The following RYR1 variants were observed in gnomAD, a reference collection of about 807,000 sequenced individuals.
RYR1 encodes the protein ryanodine receptor 1, also known as central core disease of muscle.
RYR1 carries 342 observed loss-of-function variants against 583.5 expected under a neutral mutation model. That is an observed-to-expected ratio of 0.59 (90% CI 0.54 to 0.64). The LOEUF (loss-of-function observed/expected upper bound fraction) is 0.64, where lower values mean the gene tolerates loss of function less well. Ranked by LOEUF, RYR1 falls within the 30% of genes least tolerant of loss-of-function variation. The probability of loss-of-function intolerance (pLI) is 0.00; values close to 1 mark genes in which losing one functional copy is unlikely to be tolerated. For missense variants in RYR1, 6,032 were observed against 6,917.2 expected (o/e 0.87, Z 4.54); for synonymous variants, 2,791 against 2,822.5 (o/e 0.99, Z 0.35).
rs371415441 is a variant in RYR1, at chr19:38,546,398, G to T, written c.12013-47G>T. Reference sequence around the variant, plus strand: ...AGGAGGGGGAGAAGCAACAGAGGTGGGGGAGGTGTATGCTGAGACCAGCCC... The same window carrying T: ...AGGAGGGGGAGAAGCAACAGAGGTGTGGGAGGTGTATGCTGAGACCAGCCC... On this transcript the variant is annotated intron_variant, in intron 87 of 105. Transcript: ENST00000359596. The T allele has an allele frequency of 4.0e-4, 608 of 1,523,418 alleles. 11 individuals carry two copies. The South Asian group carries it at 6.7e-3, about 17-fold the overall frequency. 94.4% of individuals were successfully genotyped at this position (1,523,418 alleles called of 1,614,324 possible).
At chr19:38,443,908 TG>T in intron 5 of RYR1, 112 bp downstream of exon 5, 1 of 1,020,222 alleles carries the variant, frequency 9.8e-7, no homozygotes. Context: ...GGGACATGAA[TG>T]GGGGCTTCGT....
rs61361030 is a variant in RYR1 at position 38,519,011 on chromosome 19, C to T, written c.10019-203C>T. 0.12 allele frequency among the ~76,000 whole-genome samples: 17,649 copies of T among 151,528 alleles called. 1,761 individuals carry two copies. The highest frequency in any genetic ancestry group is 0.27 in the African/African-American group (11,078 of 41,250). ...AGGGATTTGTGCCAGGCTGGGGTCA[C>T]AGGATAGGGACTGGGTCTTAGGTTC... On this transcript the variant is annotated intron_variant, in intron 66 of 105. Transcript: ENST00000359596.
Position 38,569,163 on chromosome 19 carries a change from G to A in RYR1, c.13659+1246G>A, listed in dbSNP as rs575347675. Among the ~76,000 whole-genome samples the A allele has an allele frequency of 5.4e-4, 82 of 152,072 alleles. 1 individual carries two copies. In the East Asian group the frequency reaches 5.5e-3, roughly 10 times the overall value. On this transcript the variant is annotated intron_variant, in intron 93 of 105. Transcript: ENST00000359596. Reference sequence around the variant, plus strand: ...GTAGCTAGGACTACAGGCGCCCGCCGCCACGCCTGGCTAATTTTTTGTATT... The same window carrying A: ...GTAGCTAGGACTACAGGCGCCCGCCACCACGCCTGGCTAATTTTTTGTATT...
In RYR1 at chr19:38,535,296, C is replaced by T. The variant is rs774616144; in HGVS notation, c.11440-20C>T. The T allele has an allele frequency of 2.5e-6, 4 of 1,613,732 alleles. No homozygotes were observed. In the Admixed American group the frequency reaches 5.0e-5, roughly 20 times the overall value. ...CCTGTGTGACTCCCAGTTTCTCCTC[C>T]CCTGCCTCGCCCTCTGCAGAAAATG... On this transcript the variant is annotated intron_variant, in intron 80 of 105. Coordinates refer to ENST00000359596, the MANE Select transcript of RYR1 (RefSeq NM_000540.3).
At position 38,496,890 on chromosome 19, in the gene RYR1, C is replaced by T. The variant is rs781059995; in HGVS notation, c.6827C>T (p.Ala2276Val). ...GMQGSTPLDVAAASVIDNNEL... is the reference protein window; with the variant it reads ...GMQGSTPLDVVAASVIDNNEL... The stretch of plus-strand genomic sequence containing the variant: ...CAGGGCTCCACGCCCCTGGACGTGG[C>T]TGCTGCCTCCGTCATTGACAACAAT... Residue 2276 changes from alanine to valine, a missense_variant, in exon 42 of 106, where the codon GCT becomes GTT. By Grantham distance (64) the Ala-to-Val change is moderately conservative. Around this residue, in one of 11 missense-constraint regions of RYR1, gnomAD observed 2,627 missense variants for 2,961.3 expected, o/e 0.89. Coordinates refer to ENST00000359596, the MANE Select transcript of RYR1 (RefSeq NM_000540.3). The surrounding 1 kb of genome is among the most constrained non-coding windows in gnomAD (Gnocchi z 4.8). 1.4e-5 allele frequency: 23 copies of T among 1,613,296 alleles called. No homozygotes were observed. The highest frequency in any genetic ancestry group is 1.9e-5 in the Non-Finnish European group (22 of 1,179,988).
At chr19:38,456,589 C>T (rs1424589482) in intron 16 of RYR1, among the ~76,000 whole-genome samples, 1 of 151,510 alleles carries the variant, frequency 6.6e-6, no homozygotes, top group African/African-American at 2.4e-5. Flanking sequence ...ACCGGTGGCG[C>T]TGAAATGTTT....
intron 57 of RYR1, among the ~76,000 whole-genome samples, chr19:38,507,386 G>T (rs1160692224): frequency 7.0e-6 from 1 of 142,498 alleles, no homozygotes; most frequent in African/African-American, 2.6e-5. Context: ...CCAGAGAGGG[G>T]TGGGGAGGTA....
At chr19:38,459,464 T>C (rs1967613351) in intron 19 of RYR1, 126 bp downstream of exon 19, 1 of 880,196 alleles carries the variant, frequency 1.1e-6, no homozygotes, top group African/African-American at 1.7e-5. Context: ...GACTGACTGG[T>C]GTCCAGAACC....
chr19:38,480,107 CT>C (rs1968935528), intron 31 of RYR1, among the ~76,000 whole-genome samples: 6 of 152,206 alleles, frequency 3.9e-5, no homozygotes, highest in African/African-American at 1.4e-4. Flanking sequence ...ACAGCTTCAA[CT>C]GTCACCCACT....
Position 38,506,830 on chromosome 19 carries a change from C to T in RYR1, c.8694C>T (p.Gly2898=), listed in dbSNP as rs1568514023. The T allele has an allele frequency of 1.2e-6, 2 of 1,614,046 alleles. No homozygotes were observed. The highest frequency in any genetic ancestry group is 1.1e-5 in the South Asian group (1 of 91,064). The change falls in exon 57 of 106, where the codon GGC becomes GGT. Residue 2898 remains glycine (G), a splice_region_variant and synonymous_variant. Coordinates refer to ENST00000359596, the MANE Select transcript of RYR1 (RefSeq NM_000540.3). ...GATTTCTGGTCTTTGCCTCCCCAGG[C>T]GGTGGGACCCACCCCCTGCTGGTCC... ...RKKKQELEAK[G]GGTHPLLVPY... is the part of the protein sequence containing the mutation.
At chr19:38,456,175 C>T (rs1967375616) in intron 16 of RYR1, among the ~76,000 whole-genome samples, 1 of 146,890 alleles carries the variant, frequency 6.8e-6, no homozygotes, top group African/African-American at 2.5e-5. Context: ...CAGGGTTTCA[C>T]AATGTTGGCC....
chr19:38,506,412 T>A, intron 55 of RYR1, 35 bp downstream of exon 55: 1 of 1,613,266 alleles, frequency 6.2e-7, no homozygotes, highest in Non-Finnish European at 8.5e-7. Context: ...GGACATAGGG[T>A]GTCTTTGGGG....
At position 38,460,425 on chromosome 19, in the gene RYR1, C is replaced by G. The variant is rs1057524519; in HGVS notation, c.2411C>G (p.Pro804Arg). ...CATGGTGAATTCAAGTTCCTGCCCC[C>G]ACCTGGCTATGCTCCATGCCATGAG... ...GRHGEFKFLP[P>R]PGYAPCHEAV... Residue 804 changes from proline to arginine, a missense_variant, in exon 20 of 106, where the codon CCA becomes CGA. Physicochemically the swap from Pro to Arg is moderately radical, Grantham distance 103. Transcript: ENST00000359596. 1.2e-6 allele frequency: 2 copies of G among 1,614,242 alleles called. No individual in the cohort carries two copies. Among genetic ancestry groups the G allele is most frequent in the Non-Finnish European group, 1.7e-6 (2 of 1,180,042 alleles).
intron 13 of RYR1, among the ~76,000 whole-genome samples, chr19:38,454,648 G>A (rs1360416209): frequency 1.3e-5 from 2 of 152,108 alleles, no homozygotes; most frequent in African/African-American, 4.8e-5. Context: ...AGAAGCAGTG[G>A]TTCAGTATTT....
chr19:38,557,540 G>A (rs1286440548), intron 89 of RYR1, among the ~76,000 whole-genome samples: 1 of 152,204 alleles, frequency 6.6e-6, no homozygotes, highest in Non-Finnish European at 1.5e-5. Context: ...AGGCTGTGGT[G>A]TCCCAGGCAA....
chr19:38,478,687 TCA>T, intron 31 of RYR1, 87 bp downstream of exon 31: 1 of 1,506,804 alleles, frequency 6.6e-7, no homozygotes, highest in Non-Finnish European at 9.1e-7. Flanking sequence ...AGGCCAGACC[TCA>T]GAGATGGAAC....
In RYR1 at chr19:38,557,375, G is replaced by A. The variant is rs566749063; in HGVS notation, c.12283-3738G>A. Among the ~76,000 whole-genome samples the A allele has an allele frequency of 3.3e-5, 5 of 152,326 alleles. No individual in the cohort carries two copies. The South Asian group carries it at 8.3e-4, about 25-fold the overall frequency. On this transcript the variant is annotated intron_variant, in intron 89 of 105. Transcript: ENST00000359596. ...GTGGGAAGGGGCAGATGCAAATAAC[G>A]AAATACACGAAGTAATTGCAGGTTA...
chr19:38,528,816 C>T lies in RYR1; in HGVS notation c.11034+121C>T, dbSNP rs138421813. Reference sequence around the variant, plus strand: ...TCAAGGGGTATAGAAATGCCAGCTCCTGGCTTGAGTAGAACCAAAGTAGGG... The same window carrying T: ...TCAAGGGGTATAGAAATGCCAGCTCTTGGCTTGAGTAGAACCAAAGTAGGG... On this transcript the variant is annotated intron_variant, in intron 75 of 105. Transcript: ENST00000359596. 6.3e-4 allele frequency: 903 copies of T among 1,438,144 alleles called. 5 individuals carry two copies. In the African/African-American group the frequency reaches 0.011, roughly 18 times the overall value. The allele number at this position is 1,438,144 out of a possible 1,614,324, so 89.1% of individuals were successfully genotyped here.
At position 38,506,290 on chromosome 19, in the gene RYR1, C is replaced by A. The variant is rs1436076205; in HGVS notation, c.8542-13C>A. The A allele has an allele frequency of 2.5e-6, 4 of 1,613,892 alleles. No individual in the cohort carries two copies. Among genetic ancestry groups the A allele is most frequent in the Non-Finnish European group, 3.4e-6 (4 of 1,179,920 alleles). ...CCATCAGCCCACCTCCCATCTTCCC[C>A]TTGTCCTCTCAGACCTATGATCCTC... On this transcript the variant is annotated splice_polypyrimidine_tract_variant and intron_variant, in intron 54 of 105. Coordinates refer to ENST00000359596, the MANE Select transcript of RYR1 (RefSeq NM_000540.3).
Sources: gnomAD v4.1 joint callset for allele counts (sites outside exome capture counted in the v4.1 genomes callset) on GRCh38, gnomAD v4.1.1 for gene constraint, gnomAD v4.1.1 regional missense constraint, Gnocchi (gnomAD v3.1) non-coding constraint, MANE v1.5 for transcripts, NCBI Gene and HGNC (gene_info 2026-07-23, HGNC 2026-07-21) for gene names.